The following MSR1 variants were observed in gnomAD, a reference collection of about 807,000 sequenced individuals.
MSR1 encodes the protein macrophage scavenger receptor 1, also known as macrophage scavenger receptor types I and II.
In MSR1, 53 loss-of-function variants were observed where a neutral mutation model predicts 47.2. The ratio of observed to expected loss-of-function variants is 1.12; its 90% CI spans 0.90 to 1.41. The LOEUF (loss-of-function observed/expected upper bound fraction) is 1.41, where lower values mean the gene tolerates loss of function less well. MSR1 is among the 40% of genes most tolerant of loss of function. The pLI, the probability that MSR1 is intolerant of heterozygous loss-of-function variation, is 0.00. For missense variants in MSR1, 786 were observed against 546.9 expected (o/e 1.44, Z -4.36); for synonymous variants, 239 against 185.6 (o/e 1.29, Z -2.34).
At chr8:16,113,263 T>TA (rs200629209) in intron 9 of MSR1, among the ~76,000 whole-genome samples, 10,585 of 152,076 alleles carry the variant, frequency 0.07, 468 homozygotes, top group African/African-American at 0.12. Flanking sequence ...TTCACCTCTT[T>TA]TTAAAAAATG....
At chr8:16,134,705 G>A (rs1268772072) in intron 8 of MSR1, among the ~76,000 whole-genome samples, 7 of 152,122 alleles carry the variant, frequency 4.6e-5, no homozygotes, top group Non-Finnish European at 4.4e-5. Flanking sequence ...GAGAAAGGCG[G>A]GTTGAAAGTC....
chr8:16,172,090 T>A (rs1048572522), intron 3 of MSR1, among the ~76,000 whole-genome samples: 11 of 152,318 alleles, frequency 7.2e-5, no homozygotes, highest in Admixed American at 7.2e-4. Flanking sequence ...GTGATAAAAA[T>A]CTTTTTCTGG....
At chr8:16,158,930 ATTTTTT>A (rs34495946) in intron 5 of MSR1, among the ~76,000 whole-genome samples, 58 of 107,800 alleles carry the variant, frequency 5.4e-4, no homozygotes, top group African/African-American at 1.9e-3. Flanking sequence ...CCTTTGGTTA[ATTTTTT>A]TTTTTTTTTT....
chr8:16,126,420 T>C (rs1314671251), intron 8 of MSR1, among the ~76,000 whole-genome samples: 1 of 152,176 alleles, frequency 6.6e-6, no homozygotes, highest in African/African-American at 2.4e-5. Flanking sequence ...TTAAATTTAT[T>C]ACAATGGTAG....
rs201669327 is a variant in MSR1, at chr8:16,176,512, GAA to G, written c.104-1214_104-1213del. The stretch of plus-strand genomic sequence containing the variant: ...AAAAAGTGAGACCCTGTCTCAAAAA[GAA>G]AAAAAAAAAAAGGAAAAGAGAGAAA... On this transcript the variant is annotated intron_variant, in intron 2 of 9. Transcript: ENST00000262101. 5.6e-4 allele frequency among the ~76,000 whole-genome samples: 53 copies of G among 93,808 alleles called. 1 individual carries two copies. The South Asian group carries it at 0.011, about 20-fold the overall frequency. The allele number at this position is 93,808 out of a possible 152,430, so 61.5% of individuals were successfully genotyped here. A position where few individuals can be genotyped will look rare whatever the true frequency, so the allele number is the denominator to read the frequency against.
chr8:16,129,942 G>A (rs114716835), intron 8 of MSR1, among the ~76,000 whole-genome samples: 1,964 of 152,266 alleles, frequency 0.013, 49 homozygotes, highest in African/African-American at 0.043. Context: ...TCTTCAAAGG[G>A]CAGGAAAGGT....
chr8:16,141,179 T>C lies in MSR1; in HGVS notation c.1033+2379A>G, dbSNP rs572989411. ...CACCATTAACTACAGATGTGGGGAA[T>C]CAGGCACTTTCATACAGAATAAATT... On this transcript the variant is annotated intron_variant, in intron 8 of 9. Transcript: ENST00000262101. 1.1e-5 allele frequency: 10 copies of C among 915,086 alleles called. No individual in the cohort carries two copies. In the South Asian group the frequency reaches 1.6e-4, roughly 15 times the overall value. 56.7% of individuals were successfully genotyped at this position (915,086 alleles called of 1,614,324 possible). A position where few individuals can be genotyped will look rare whatever the true frequency, so the allele number is the denominator to read the frequency against.
At chr8:16,110,697 T>G (rs1184952174) in intron 9 of MSR1, among the ~76,000 whole-genome samples, 2 of 152,120 alleles carry the variant, frequency 1.3e-5, no homozygotes, top group Admixed American at 1.3e-4. Flanking sequence ...TATCTTCCCG[T>G]GTATTTCAAT....
At position 16,188,716 on chromosome 8, in the gene MSR1, G is replaced by C. The variant is rs116878153; in HGVS notation, c.-5+3882C>G. ...GTGATGCTCCCCTCCCTGTGTCCAC[G>C]TGCTCTCACTGTTCAACTGTCACTT... On this transcript the variant is annotated intron_variant, in intron 1 of 9. Coordinates refer to ENST00000262101, the MANE Select transcript of MSR1 (RefSeq NM_138715.3). Among the ~76,000 whole-genome samples, 461 of 151,846 alleles carry C rather than the reference G, an allele frequency of 3.0e-3. 11 individuals carry two copies. The East Asian group carries it at 0.056, about 19-fold the overall frequency.
At chr8:16,156,280 C>T (rs1216236406) in intron 5 of MSR1, among the ~76,000 whole-genome samples, 2 of 151,862 alleles carry the variant, frequency 1.3e-5, no homozygotes, top group Non-Finnish European at 2.9e-5. Flanking sequence ...TACAGCATCC[C>T]TGGTTAGAAT....
intron 3 of MSR1, among the ~76,000 whole-genome samples, chr8:16,171,629 T>C (rs1326160871): frequency 1.3e-5 from 2 of 152,212 alleles, no homozygotes; most frequent in Non-Finnish European, 2.9e-5. Flanking sequence ...TTGCTTGAGT[T>C]ACTCTGGGAA....
chr8:16,179,156 G>C (rs1019010819), intron 1 of MSR1, among the ~76,000 whole-genome samples: 1 of 152,106 alleles, frequency 6.6e-6, no homozygotes, highest in Non-Finnish European at 1.5e-5. Flanking sequence ...TTTTACAGGT[G>C]ACAGAAAATA....
chr8:16,141,018 C>A (rs1441613149), intron 8 of MSR1: 2 of 1,613,558 alleles, frequency 1.2e-6, no homozygotes, highest in Non-Finnish European at 1.7e-6. Flanking sequence ...GGGCCCTGCC[C>A]TAATATGATC....
intron 4 of MSR1, among the ~76,000 whole-genome samples, chr8:16,168,028 G>C (rs971845111): frequency 1.3e-5 from 2 of 151,974 alleles, no homozygotes; most frequent in Non-Finnish European, 2.9e-5. Flanking sequence ...CTTAAGGTGA[G>C]GACCATGTAT....
intron 8 of MSR1, among the ~76,000 whole-genome samples, chr8:16,134,724 C>G (rs546031195): frequency 4.9e-4 from 75 of 152,222 alleles, no homozygotes; most frequent in African/African-American, 1.7e-3. Flanking sequence ...TCAAGACAGG[C>G]TGAAAGTATG....
chr8:16,125,942 C>T (rs9650392), intron 8 of MSR1, among the ~76,000 whole-genome samples: 144,818 of 152,118 alleles, frequency 0.95, 69,344 homozygotes, highest in East Asian at 1. Flanking sequence ...AAAATTATAT[C>T]TCTTAAAAAA....
intron 3 of MSR1, among the ~76,000 whole-genome samples, 192 bp downstream of exon 3, chr8:16,174,995 T>G (rs576287027): frequency 6.6e-6 from 1 of 152,342 alleles, no homozygotes; most frequent in East Asian, 1.9e-4. Context: ...TTTTTCTAAT[T>G]TAAAAACTAT....
Position 16,175,314 on chromosome 8 carries a change from A to G in MSR1, c.104-14T>C, listed in dbSNP as rs955191812. The stretch of plus-strand genomic sequence containing the variant: ...TGTTTTTAGGATCTAATAAAACAAA[A>G]AAGCCCAGCCTACTGTTAGAAAGTG... On this transcript the variant is annotated splice_polypyrimidine_tract_variant and intron_variant, in intron 2 of 9. Coordinates refer to ENST00000262101, the MANE Select transcript of MSR1 (RefSeq NM_138715.3). The G allele has an allele frequency of 6.3e-7, 1 of 1,596,862 alleles. No homozygotes were observed. The highest frequency in any genetic ancestry group is 8.6e-7 in the Non-Finnish European group (1 of 1,164,310).
intron 3 of MSR1, among the ~76,000 whole-genome samples, chr8:16,174,661 C>G (rs1801587728): frequency 6.6e-6 from 1 of 152,070 alleles, no homozygotes; most frequent in African/African-American, 2.4e-5. Context: ...GTCATATAAG[C>G]TGGATTTTAC....
Sources: allele counts gnomAD v4.1 joint callset (sites outside exome capture counted in the v4.1 genomes callset), GRCh38; gene constraint gnomAD v4.1.1; transcripts MANE v1.5; gene names NCBI Gene and HGNC (gene_info 2026-07-23, HGNC 2026-07-21).